SYT14: variants seen among roughly 807,000 people sequenced by gnomAD.
SYT14 encodes synaptotagmin 14.
A neutral mutation model predicts 74.2 loss-of-function variants in SYT14; 32 were observed. The ratio of observed to expected loss-of-function variants is 0.43; its 90% CI spans 0.33 to 0.58. SYT14 has a LOEUF of 0.58. Among genes scored for constraint, SYT14 ranks in the 20% least tolerant of loss-of-function variants. SYT14 has a pLI of 0.05. For missense variants in SYT14, 791 were observed against 981.8 expected (o/e 0.81, Z 2.60); for synonymous variants, 298 against 337.7 (o/e 0.88, Z 1.29).
At chr1:210,049,449 A>T (rs140164291) in intron 5 of SYT14, among the ~76,000 whole-genome samples, 9 of 129,452 alleles carry the variant, frequency 7.0e-5, no homozygotes, top group African/African-American at 1.2e-4. Flanking sequence ...TTTTTAAATT[A>T]TACTTTAAGT....
chr1:210,066,606 C>G (rs2081300792), intron 5 of SYT14, among the ~76,000 whole-genome samples: 1 of 151,962 alleles, frequency 6.6e-6, no homozygotes, highest in African/African-American at 2.4e-5. Context: ...TGTTTGAGTT[C>G]ATTGTATTCC....
At chr1:210,051,339 A>G (rs553916022) in intron 5 of SYT14, among the ~76,000 whole-genome samples, 69 of 152,280 alleles carry the variant, frequency 4.5e-4, no homozygotes, top group Middle Eastern at 3.4e-3. Flanking sequence ...ATTTGCATTA[A>G]TTCTTTTTTG....
intron 5 of SYT14, among the ~76,000 whole-genome samples, chr1:210,090,334 A>G (rs2081839633): frequency 6.6e-6 from 1 of 151,704 alleles, no homozygotes; most frequent in Non-Finnish European, 1.5e-5. Context: ...ATTGCTCAGC[A>G]TATAATCAAT....
intron 7 of SYT14, among the ~76,000 whole-genome samples, chr1:210,110,607 T>G (rs1443193873): frequency 6.6e-6 from 1 of 152,170 alleles, no homozygotes; most frequent in Admixed American, 6.5e-5. Context: ...CTAGAAGAGT[T>G]TATCGTAGAT....
chr1:209,945,496 C>T (rs9430025), intron 1 of SYT14, among the ~76,000 whole-genome samples: 18,135 of 152,076 alleles, frequency 0.12, 1,453 homozygotes, highest in South Asian at 0.21. Flanking sequence ...TTCATGCTTA[C>T]GATGTACAGT....
intron 2 of SYT14, among the ~76,000 whole-genome samples, chr1:209,981,107 A>G (rs1360183237): frequency 1.3e-5 from 2 of 151,936 alleles, no homozygotes; most frequent in Non-Finnish European, 2.9e-5. Context: ...TGTTTGTGTC[A>G]TTTCTGATTT....
chr1:210,045,582 T>G (rs2102358900), intron 5 of SYT14, among the ~76,000 whole-genome samples: 1 of 152,284 alleles, frequency 6.6e-6, no homozygotes, highest in African/African-American at 2.4e-5. Context: ...CCATTTCTTA[T>G]CTCTGAATTA....
chr1:210,054,921 T>G (rs1282554814), intron 5 of SYT14, among the ~76,000 whole-genome samples: 1 of 152,190 alleles, frequency 6.6e-6, no homozygotes, highest in Non-Finnish European at 1.5e-5. Flanking sequence ...CTGATGTTCC[T>G]TAATTGGATT....
chr1:210,065,773 C>T (rs370154110), intron 5 of SYT14, among the ~76,000 whole-genome samples: 7 of 151,682 alleles, frequency 4.6e-5, no homozygotes, highest in African/African-American at 9.7e-5. Flanking sequence ...ATGTGCACAA[C>T]GTGCAGGTTT....
intron 2 of SYT14, among the ~76,000 whole-genome samples, chr1:209,996,819 A>G (rs1222653820): frequency 6.6e-6 from 1 of 152,152 alleles, no homozygotes; most frequent in Non-Finnish European, 1.5e-5. Flanking sequence ...ACATACATAA[A>G]TCAAAAAATG....
intron 2 of SYT14, among the ~76,000 whole-genome samples, chr1:210,003,892 T>G (rs986153043): frequency 6.6e-6 from 1 of 152,164 alleles, no homozygotes; most frequent in Non-Finnish European, 1.5e-5. Context: ...ATGATTTATT[T>G]TTTTAACAAA....
intron 5 of SYT14, among the ~76,000 whole-genome samples, chr1:210,057,739 G>A (rs1319571176): frequency 6.6e-6 from 1 of 152,058 alleles, no homozygotes; most frequent in Non-Finnish European, 1.5e-5. Flanking sequence ...CATTCCTTAT[G>A]ATCTCTTTCA....
At chr1:209,958,548 C>T (rs1035589125) in intron 2 of SYT14, among the ~76,000 whole-genome samples, 1 of 152,046 alleles carries the variant, frequency 6.6e-6, no homozygotes, top group African/African-American at 2.4e-5. Flanking sequence ...TTGTTTAATG[C>T]CTTTCAATAA....
intron 5 of SYT14, among the ~76,000 whole-genome samples, chr1:210,046,802 G>C (rs1051943756): frequency 2.6e-5 from 4 of 152,004 alleles, no homozygotes; most frequent in Admixed American, 2.0e-4. Flanking sequence ...TTACTATTAG[G>C]AATAATGCTG....
At chr1:210,145,638 T>C (rs1421520963) in intron 7 of SYT14, among the ~76,000 whole-genome samples, 1 of 152,194 alleles carries the variant, frequency 6.6e-6, no homozygotes, top group Non-Finnish European at 1.5e-5. Flanking sequence ...TAGTGCTGGA[T>C]GAGTAAAATT....
chr1:210,142,632 G>A (rs1055277612), intron 7 of SYT14, among the ~76,000 whole-genome samples: 1 of 152,068 alleles, frequency 6.6e-6, no homozygotes, highest in Non-Finnish European at 1.5e-5. Context: ...AACTAAGAAC[G>A]TTACCAGAAA....
chr1:210,059,915 T>C (rs1240444513), intron 5 of SYT14, among the ~76,000 whole-genome samples: 1 of 152,132 alleles, frequency 6.6e-6, no homozygotes, highest in Non-Finnish European at 1.5e-5. Flanking sequence ...CAAGTTTATC[T>C]ACAGTGGGTG....
intron 8 of SYT14, among the ~76,000 whole-genome samples, chr1:210,158,636 C>T (rs1300799878): frequency 6.6e-6 from 1 of 152,086 alleles, no homozygotes; most frequent in African/African-American, 2.4e-5. Context: ...TTCACATCCG[C>T]AACACAGAGT....
At chr1:210,037,031 A>G (rs550362716) in intron 5 of SYT14, among the ~76,000 whole-genome samples, 1 of 152,054 alleles carries the variant, frequency 6.6e-6, no homozygotes. Context: ...GTCTCATAAC[A>G]TTTGGCTGTG....
Sources: gnomAD v4.1 joint callset for allele counts (sites outside exome capture counted in the v4.1 genomes callset) on GRCh38, gnomAD v4.1.1 for gene constraint, MANE v1.5 for transcripts, NCBI Gene and HGNC (gene_info 2026-07-23, HGNC 2026-07-21) for gene names.